Variants in PCDHGA2 observed in about 807,000 individuals in gnomAD.
PCDHGA2 encodes protocadherin gamma subfamily A, 2.
Under a neutral mutation model 59.2 loss-of-function variants are expected in PCDHGA2, and 40 were observed. The observed-to-expected ratio is 0.68, with a 90% confidence interval of 0.52 to 0.88. The LOEUF (loss-of-function observed/expected upper bound fraction) is 0.88, where lower values mean the gene tolerates loss of function less well. PCDHGA2 is among the 40% of genes least tolerant of loss of function. The probability of loss-of-function intolerance (pLI) is 0.00; values close to 1 mark genes in which losing one functional copy is unlikely to be tolerated. For synonymous variants in PCDHGA2, 560 were observed against 526.0 expected, an observed-to-expected ratio of 1.06 and a Z score of -0.89; for missense variants, 1,226 against 1,204.0, an observed-to-expected ratio of 1.02 and a Z score of -0.27.
At chr5:141,389,119 A>G (rs1561623119) in intron 1 of PCDHGA2, 16 of 1,614,066 alleles carry the variant, frequency 9.9e-6, no homozygotes, top group Admixed American at 1.7e-5. Context: ...GACCGCGAGC[A>G]GAATCCAGAG....
At chr5:141,385,603 T>G (rs968822799) in intron 1 of PCDHGA2, 19 of 1,190,040 alleles carry the variant, frequency 1.6e-5, no homozygotes, top group Non-Finnish European at 2.0e-5. Flanking sequence ...CTTTCTTAAC[T>G]CATATATTTT....
intron 1 of PCDHGA2, among the ~76,000 whole-genome samples, chr5:141,453,670 G>A (rs191035462): frequency 2.5e-4 from 38 of 152,224 alleles, no homozygotes; most frequent in Middle Eastern, 6.8e-3. Context: ...TACACAAAAG[G>A]TAACACACTA....
intron 1 of PCDHGA2, chr5:141,350,851 A>G: frequency 1.2e-6 from 2 of 1,614,060 alleles, no homozygotes; most frequent in South Asian, 1.1e-5. Flanking sequence ...AAAAACCTCT[A>G]GACAGGGAAC....
At chr5:141,470,983 C>G (rs1486663328) in intron 1 of PCDHGA2, among the ~76,000 whole-genome samples, 2 of 151,528 alleles carry the variant, frequency 1.3e-5, no homozygotes, top group African/African-American at 4.9e-5. Context: ...TCCCAAAGTG[C>G]TGGGACTACA....
chr5:141,362,140 C>A (rs1762345318), intron 1 of PCDHGA2: 2 of 1,614,056 alleles, frequency 1.2e-6, no homozygotes, highest in Non-Finnish European at 1.7e-6. Context: ...GGATAGCCTG[C>A]AAGAGGTATT....
rs766638463 is a variant in PCDHGA2 at position 141,476,525 on chromosome 5, A to G, written c.2425-18282A>G. ...CAACGACAACAATCCTGCTTTCCCT[A>G]CCCAGGAAATGAAATTGGAGATTAG... On this transcript the variant is annotated intron_variant, in intron 1 of 3. Transcript: ENST00000394576. This position sits in a 1 kb window ranked among gnomAD's most constrained non-coding sequence, Gnocchi z 7.6. 6 of 1,613,950 alleles carry G rather than the reference A, an allele frequency of 3.7e-6. No homozygotes were observed. The African/African-American group carries it at 6.7e-5, about 18-fold the overall frequency.
rs549266523 is a variant in PCDHGA2 at position 141,408,917 on chromosome 5, C to A, written c.2424+67522C>A. ...TTCTGTCAAGGATACCAATGATAAC[C>A]CCCCGGTTTTCAGCAGAGACGAATA... On this transcript the variant is annotated intron_variant, in intron 1 of 3. Coordinates refer to ENST00000394576, the MANE Select transcript of PCDHGA2 (RefSeq NM_018915.4). 12 of 1,613,366 alleles carry A rather than the reference C, an allele frequency of 7.4e-6. No homozygotes were observed. In the African/African-American group the frequency reaches 1.6e-4, roughly 22 times the overall value.
At chr5:141,404,560 C>T (rs2094540099) in intron 1 of PCDHGA2, 37 of 1,613,460 alleles carry the variant, frequency 2.3e-5, no homozygotes, top group Non-Finnish European at 3.1e-5. Flanking sequence ...CGGCAAGTGA[C>T]AGTGGAAGCC....
At chr5:141,471,075 G>T (rs574363005) in intron 1 of PCDHGA2, among the ~76,000 whole-genome samples, 1 of 143,346 alleles carries the variant, frequency 7.0e-6, no homozygotes, top group East Asian at 2.0e-4. Context: ...TTGAGACAGG[G>T]TCTCCCTCTG....
chr5:141,387,829 G>T, intron 1 of PCDHGA2: 2 of 1,591,770 alleles, frequency 1.3e-6, no homozygotes, highest in South Asian at 2.3e-5. Flanking sequence ...CAATACAGAG[G>T]TTATTTGTAA....
chr5:141,483,121 T>C (rs922863446), intron 1 of PCDHGA2, among the ~76,000 whole-genome samples: 1 of 152,052 alleles, frequency 6.6e-6, no homozygotes, highest in Admixed American at 6.6e-5. Flanking sequence ...ACAGTCTTTG[T>C]AGGAGATGAG....
At chr5:141,367,089 CT>C in intron 1 of PCDHGA2, 1 of 258,634 alleles carries the variant, frequency 3.9e-6, no homozygotes, top group East Asian at 1.0e-4. Context: ...ATATTGTTCT[CT>C]TTTGAGTGTC....
rs1299573831 is a variant in PCDHGA2 at position 141,500,662 on chromosome 5, T to A, written c.2484-4731T>A. 5.3e-5 allele frequency among the ~76,000 whole-genome samples: 8 copies of A among 152,352 alleles called. No homozygotes were observed. The East Asian group carries it at 1.5e-3, about 29-fold the overall frequency. ...TTTTTAAAAATAGCAACTGAGGCCA[T>A]ACTGTCCAACAGAATTATAGCTTTT... On this transcript the variant is annotated intron_variant, in intron 2 of 3. Coordinates refer to ENST00000394576, the MANE Select transcript of PCDHGA2 (RefSeq NM_018915.4).
At chr5:141,344,268 C>T (rs11575947) in intron 1 of PCDHGA2, 178,072 of 1,614,044 alleles carry the variant, frequency 0.11, 11,253 homozygotes, top group Non-Finnish European at 0.13. Context: ...CTCTCTGAAT[C>T]CGCAAAGCGG....
chr5:141,463,359 T>C (rs2099057442), intron 1 of PCDHGA2, among the ~76,000 whole-genome samples: 2 of 151,672 alleles, frequency 1.3e-5, no homozygotes, highest in Admixed American at 6.6e-5. Flanking sequence ...GGATTTCCCC[T>C]TTCCTGCCCC....
Position 141,486,059 on chromosome 5 carries a change from C to A in PCDHGA2, c.2425-8748C>A. On this transcript the variant is annotated intron_variant, in intron 1 of 3. Transcript: ENST00000394576. This position sits in a 1 kb window ranked among gnomAD's most constrained non-coding sequence, Gnocchi z 5.0. ...TCGTGTAAGAAACCTCTTTAGCCTG[C>A]ACCCCACTACTGGAAAGCTTACTCT... 1 of 1,614,152 alleles carries A rather than the reference C, an allele frequency of 6.2e-7. No homozygotes were observed. Among genetic ancestry groups the A allele is most frequent in the Non-Finnish European group, 8.5e-7 (1 of 1,180,010 alleles).
chr5:141,365,422 T>C (rs537066811), intron 1 of PCDHGA2: 4 of 1,614,032 alleles, frequency 2.5e-6, no homozygotes, highest in East Asian at 2.2e-5. Flanking sequence ...TTCCCGGAAC[T>C]GTAATCGCGC....
chr5:141,398,862 C>A (rs771326288), intron 1 of PCDHGA2: 5 of 1,613,966 alleles, frequency 3.1e-6, no homozygotes, highest in Admixed American at 1.7e-5. Flanking sequence ...TCAACCGAGA[C>A]GTGTACAGAG....
At position 141,432,950 on chromosome 5, in the gene PCDHGA2, G is replaced by A. The variant is rs750033444; in HGVS notation, c.2425-61857G>A. 9.9e-6 allele frequency: 16 copies of A among 1,614,190 alleles called. No individual in the cohort carries two copies. The highest frequency in any genetic ancestry group is 1.3e-5 in the African/African-American group (1 of 75,060). ...ACGCCTGCTGCAGGCTTCAGGAGGC[G>A]GCTTGACAGGAGCGCCGGCGTCGCA... is the stretch of plus-strand genomic sequence containing the variant. On this transcript the variant is annotated intron_variant, in intron 1 of 3. Coordinates refer to ENST00000394576, the MANE Select transcript of PCDHGA2 (RefSeq NM_018915.4). This position sits in a 1 kb window ranked among gnomAD's most constrained non-coding sequence, Gnocchi z 6.0.
Sources: allele counts gnomAD v4.1 joint callset (sites outside exome capture counted in the v4.1 genomes callset), GRCh38; gene constraint gnomAD v4.1.1; non-coding constraint Gnocchi (gnomAD v3.1); transcripts MANE v1.5; gene names NCBI Gene and HGNC (gene_info 2026-07-23, HGNC 2026-07-21).